Variants in SCAF8 observed in about 807,000 individuals in gnomAD.
SCAF8 encodes the protein SR-related and CTD-associated factor 8.
A neutral mutation model predicts 140.5 loss-of-function variants in SCAF8; 23 were observed. That is an observed-to-expected ratio of 0.16 (90% CI 0.12 to 0.23). The LOEUF (loss-of-function observed/expected upper bound fraction) is 0.23. SCAF8 is among the 10% of genes least tolerant of loss of function. The pLI, the probability that SCAF8 is intolerant of heterozygous loss-of-function variation, is 1.00. For synonymous variants in SCAF8, 575 were observed against 528.9 expected, an observed-to-expected ratio of 1.09 and a Z score of -1.20; for missense variants, 1,397 against 1,555.7, an observed-to-expected ratio of 0.90 and a Z score of 1.72.
rs368477819 is a variant in SCAF8 at position 154,799,665 on chromosome 6, T to A, written c.607-2306T>A. 3.1e-4 allele frequency among the ~76,000 whole-genome samples: 47 copies of A among 151,438 alleles called. 1 individual carries two copies. The highest frequency in any genetic ancestry group is 3.4e-3 in the Middle Eastern group (1 of 294). Reference sequence around the variant, plus strand: ...AACTACCTATAATCCTGCCCCAAGATCTCTGCTTTTGAAGTTTTTTATACT... The same window carrying A: ...AACTACCTATAATCCTGCCCCAAGAACTCTGCTTTTGAAGTTTTTTATACT... On this transcript the variant is annotated intron_variant, in intron 6 of 19. Coordinates refer to ENST00000367178, the MANE Select transcript of SCAF8 (RefSeq NM_014892.5).
At chr6:154,787,414 A>G (rs1162562701) in intron 3 of SCAF8, among the ~76,000 whole-genome samples, 3 of 152,300 alleles carry the variant, frequency 2.0e-5, no homozygotes, top group East Asian at 1.9e-4. Context: ...GTATTTAACA[A>G]TGTTATAATT....
In SCAF8 at chr6:154,801,957, T is replaced by C; in HGVS notation, c.607-14T>C. ...CCAACACCTGTTTTGTAATATATAT[T>C]TTTTTCTCTCCAGCTTCAACAATTA... On this transcript the variant is annotated splice_polypyrimidine_tract_variant and intron_variant, in intron 6 of 19. Coordinates refer to ENST00000367178, the MANE Select transcript of SCAF8 (RefSeq NM_014892.5). 2 of 1,550,288 alleles carry C rather than the reference T, an allele frequency of 1.3e-6. No homozygotes were observed. Among genetic ancestry groups the C allele is most frequent in the Non-Finnish European group, 1.7e-6 (2 of 1,151,466 alleles).
chr6:154,832,975 T>C lies in SCAF8; in HGVS notation c.3396T>C (p.Pro1132=). Residue 1132 remains proline, a synonymous_variant, in exon 20 of 20, where the codon CCT becomes CCC. Coordinates refer to ENST00000367178, the MANE Select transcript of SCAF8 (RefSeq NM_014892.5). ...GGTCTGGAAACTATCGATTTGATCCTAGAAGTGGTCCTTGGAACCGAGGAT... is the reference window on the plus strand; with the variant it reads ...GGTCTGGAAACTATCGATTTGATCCCAGAAGTGGTCCTTGGAACCGAGGAT... ...RFRSGNYRFD[P]RSGPWNRGFG... 6.2e-7 allele frequency: 1 copy of C among 1,614,138 alleles called. No individual in the cohort carries two copies. Among genetic ancestry groups the C allele is most frequent in the Non-Finnish European group, 8.5e-7 (1 of 1,180,016 alleles).
intron 2 of SCAF8, 111 bp from the exon 3 acceptor site, chr6:154,777,890 A>C: frequency 1.5e-6 from 1 of 671,836 alleles, no homozygotes; most frequent in Non-Finnish European, 2.6e-6. Flanking sequence ...ATTCTTGGTT[A>C]AGATAATTGT....
chr6:154,804,454 TAC>T lies in SCAF8; in HGVS notation c.863+833_863+834del, dbSNP rs557662399. The stretch of plus-strand genomic sequence containing the variant: ...GAATCTCCTTTAACAGTCCTGATGA[TAC>T]AGTTTATTTATCCAGTATTTTAATG... On this transcript the variant is annotated intron_variant, in intron 8 of 19. Coordinates refer to ENST00000367178, the MANE Select transcript of SCAF8 (RefSeq NM_014892.5). 1.1e-4 allele frequency among the ~76,000 whole-genome samples: 16 copies of T among 152,192 alleles called. No homozygotes were observed. In the East Asian group the frequency reaches 1.3e-3, roughly 13 times the overall value.
intron 1 of SCAF8, among the ~76,000 whole-genome samples, chr6:154,750,378 G>T (rs1009617659): frequency 6.6e-6 from 1 of 152,148 alleles, no homozygotes; most frequent in East Asian, 1.9e-4. Flanking sequence ...GTTGTTTAGG[G>T]TGATAATGTA....
intron 16 of SCAF8, 51 bp from the exon 17 acceptor site, chr6:154,824,183 A>G (rs1273001241): frequency 8.8e-6 from 14 of 1,582,282 alleles, no homozygotes; most frequent in Non-Finnish European, 1.2e-5. Context: ...AGTTGTTCCA[A>G]GATGCAGGTG....
At chr6:154,734,238 C>T (rs1778347462) in intron 1 of SCAF8, among the ~76,000 whole-genome samples, 2 of 152,162 alleles carry the variant, frequency 1.3e-5, no homozygotes, top group African/African-American at 2.4e-5. Flanking sequence ...CCGACAGGTC[C>T]CTCGAGGTCA....
intron 1 of SCAF8, among the ~76,000 whole-genome samples, chr6:154,753,189 G>A (rs1050069857): frequency 3.3e-5 from 5 of 151,988 alleles, no homozygotes; most frequent in African/African-American, 7.3e-5. Context: ...ATTAAGGCCC[G>A]GTGTGGTGCT....
At chr6:154,774,901 C>A (rs561489142) in intron 2 of SCAF8, among the ~76,000 whole-genome samples, 61 of 151,988 alleles carry the variant, frequency 4.0e-4, no homozygotes, top group African/African-American at 1.5e-3. Flanking sequence ...AGTTCTTGTC[C>A]CCTAGGCTAA....
upstream of SCAF8, chr6:154,733,398 G>C: frequency 1.4e-6 from 2 of 1,380,544 alleles, no homozygotes; most frequent in Non-Finnish European, 9.4e-7. Flanking sequence ...GAACTGCGCG[G>C]CCCGACTCGA....
rs762680832 is a variant in SCAF8, at chr6:154,774,092, C to T, written c.114+20C>T. 3.0e-5 allele frequency: 44 copies of T among 1,489,356 alleles called. No homozygotes were observed. The highest frequency in any genetic ancestry group is 4.5e-5 in the East Asian group (2 of 44,228). 92.3% of individuals were successfully genotyped at this position (1,489,356 alleles called of 1,614,324 possible). A position where few individuals can be genotyped will look rare whatever the true frequency, so the allele number is the denominator to read the frequency against. ...ATTAAGGTGAGTAATAAATTTTACTCTTCTATTTTCAAAAGAAAAAACTAT... is the reference window on the plus strand; with the variant it reads ...ATTAAGGTGAGTAATAAATTTTACTTTTCTATTTTCAAAAGAAAAAACTAT... On this transcript the variant is annotated intron_variant, in intron 2 of 19. Transcript: ENST00000367178.
intron 4 of SCAF8, among the ~76,000 whole-genome samples, chr6:154,792,419 AAGAT>A (rs1316103652): frequency 4.6e-5 from 7 of 152,230 alleles, no homozygotes; most frequent in African/African-American, 1.7e-4. Flanking sequence ...ATTTGTTCAA[AAGAT>A]AGACATTGTG....
chr6:154,819,001 C>A (rs1442893295), intron 14 of SCAF8, among the ~76,000 whole-genome samples: 1 of 152,022 alleles, frequency 6.6e-6, no homozygotes. Context: ...TTCTTGACAT[C>A]TTTTTAAAAT....
At chr6:154,758,367 A>C (rs927969252) in intron 1 of SCAF8, among the ~76,000 whole-genome samples, 1 of 152,172 alleles carries the variant, frequency 6.6e-6, no homozygotes, top group African/African-American at 2.4e-5. Context: ...TTCCAGTGTC[A>C]GTTCAGTTCT....
chr6:154,767,498 C>T (rs1180367446), intron 1 of SCAF8, among the ~76,000 whole-genome samples: 1 of 142,630 alleles, frequency 7.0e-6, no homozygotes, highest in Non-Finnish European at 1.5e-5. Context: ...TGTGTTGCCT[C>T]TTGTTTGGCA....
At chr6:154,822,084 G>GT in intron 15 of SCAF8, 192 bp from the exon 16 acceptor site, 1 of 432,808 alleles carries the variant, frequency 2.3e-6, no homozygotes, top group Non-Finnish European at 4.0e-6. Context: ...ATGTTTCATG[G>GT]TTTTTTGAAC....
At chr6:154,758,659 C>T (rs1779025076) in intron 1 of SCAF8, among the ~76,000 whole-genome samples, 1 of 152,144 alleles carries the variant, frequency 6.6e-6, no homozygotes, top group Admixed American at 6.5e-5. Flanking sequence ...TTTCCAAGCT[C>T]AGCCTTCAGA....
intron 1 of SCAF8, among the ~76,000 whole-genome samples, chr6:154,762,085 T>G (rs1776418899): frequency 6.6e-6 from 1 of 152,252 alleles, no homozygotes; most frequent in Admixed American, 6.5e-5. Flanking sequence ...TTCAAGTTTA[T>G]ACACATACTA....
Sources: gnomAD v4.1 joint callset for allele counts (sites outside exome capture counted in the v4.1 genomes callset) on GRCh38, gnomAD v4.1.1 for gene constraint, MANE v1.5 for transcripts, NCBI Gene and HGNC (gene_info 2026-07-23, HGNC 2026-07-21) for gene names.